POPDC1: variants seen among roughly 807,000 people sequenced by gnomAD.
POPDC1 encodes popeye domain-containing protein 1.
At chr6:105,102,248 C>T in the POPDC1 span, among the ~76,000 whole-genome samples, 3 of 152,114 alleles carry the variant, frequency 2.0e-5, no homozygotes, top group African/African-American at 2.4e-5. Context: ...ACAGCAAAAG[C>T]GAGTGGAGGA....
At chr6:105,124,385 CAAAAAAAAAAAAA>C in the POPDC1 span, among the ~76,000 whole-genome samples, 2 of 81,778 alleles carry the variant, frequency 2.4e-5, no homozygotes, top group South Asian at 4.2e-4. Flanking sequence ...CCGTCTCAAA[CAAAAAAAAAAAAA>C]AAAAAAAAAA....
the POPDC1 span, chr6:105,133,529 A>T: frequency 6.2e-7 from 1 of 1,613,762 alleles, no homozygotes; most frequent in Non-Finnish European, 8.5e-7. Flanking sequence ...TCAGGTGTAA[A>T]ACCTATGGCA....
chr6:105,106,490 C>A, the POPDC1 span, among the ~76,000 whole-genome samples: 4 of 152,226 alleles, frequency 2.6e-5, no homozygotes, highest in Non-Finnish European at 4.4e-5. Flanking sequence ...GAGTCCTGAG[C>A]GAAACAGTGG....
the POPDC1 span, among the ~76,000 whole-genome samples, chr6:105,103,800 G>T: frequency 6.6e-6 from 1 of 152,128 alleles, no homozygotes; most frequent in African/African-American, 2.4e-5. Flanking sequence ...AGCCACAATG[G>T]TATCTGACCC....
chr6:105,100,991 C>T, the POPDC1 span: 3 of 1,437,852 alleles, frequency 2.1e-6, no homozygotes, highest in Non-Finnish European at 2.8e-6. Context: ...TCTGGATGCA[C>T]TAAAGCAGAA....
the POPDC1 span, chr6:105,115,904 T>G: frequency 6.8e-7 from 1 of 1,478,684 alleles, no homozygotes; most frequent in Admixed American, 2.1e-5. Flanking sequence ...CATGTACTTT[T>G]CCTAGAAATA....
chr6:105,103,659 C>T, the POPDC1 span, among the ~76,000 whole-genome samples: 35 of 152,200 alleles, frequency 2.3e-4, no homozygotes, highest in East Asian at 1.9e-4. Context: ...TTGTGTAACA[C>T]GCTTAACAGA....
the POPDC1 span, among the ~76,000 whole-genome samples, chr6:105,122,134 C>T: frequency 1.3e-5 from 2 of 152,160 alleles, no homozygotes; most frequent in Non-Finnish European, 2.9e-5. Context: ...GATCTGCCAA[C>T]AGGAACATTT....
the POPDC1 span, among the ~76,000 whole-genome samples, chr6:105,120,024 C>A: frequency 1.6e-3 from 2 of 1,272 alleles, 1 homozygote; most frequent in Non-Finnish European, 0.015. Flanking sequence ...CTTTGGGAGG[C>A]CGAGGCGGGC....
chr6:105,117,061 G>T, the POPDC1 span, among the ~76,000 whole-genome samples: 1 of 152,304 alleles, frequency 6.6e-6, no homozygotes, highest in Admixed American at 6.5e-5. Flanking sequence ...AAAGCAATCT[G>T]CAGACTAAAT....
the POPDC1 span, among the ~76,000 whole-genome samples, chr6:105,109,731 T>C: frequency 2.7e-5 from 3 of 111,818 alleles, no homozygotes; most frequent in Non-Finnish European, 3.4e-5. Flanking sequence ...GCCACTGCAC[T>C]CTAGCCTGGA....
At chr6:105,100,946 G>A in the POPDC1 span, 1 of 943,274 alleles carries the variant, frequency 1.1e-6, no homozygotes, top group Admixed American at 3.1e-5. Flanking sequence ...TTCCATCCTT[G>A]ACCCTTCCTC....
the POPDC1 span, among the ~76,000 whole-genome samples, chr6:105,109,763 C>CAAAAAGAAAAAAAAAAAAAAA: frequency 4.4e-5 from 1 of 22,866 alleles, no homozygotes; most frequent in East Asian, 1.5e-3. Flanking sequence ...GACCCTTTCT[C>CAAAAAGAAAAAAAAAAAAAAA]AAAAAAAAAA....
chr6:105,107,676 A>G, the POPDC1 span, among the ~76,000 whole-genome samples: 1 of 152,154 alleles, frequency 6.6e-6, no homozygotes, highest in Non-Finnish European at 1.5e-5. Flanking sequence ...TTTCTTTCAA[A>G]ATGTTATTAT....
the POPDC1 span, among the ~76,000 whole-genome samples, chr6:105,131,057 G>T: frequency 1.3e-5 from 2 of 151,862 alleles, no homozygotes; most frequent in Admixed American, 6.6e-5. Flanking sequence ...AGTTTCTTTT[G>T]ATCAATTTTA....
chr6:105,125,710 C>A, the POPDC1 span: 1 of 844,870 alleles, frequency 1.2e-6, no homozygotes, highest in Non-Finnish European at 1.8e-6. Flanking sequence ...GTATTTAGGC[C>A]AATAGAATCT....
the POPDC1 span, chr6:105,097,917 A>G: frequency 4.9e-4 from 74 of 152,362 alleles, no homozygotes; most frequent in African/African-American, 1.7e-3. Context: ...GCGGATTTAT[A>G]TAGTGTCTAT....
chr6:105,124,464 G>C, the POPDC1 span: 1 of 897,240 alleles, frequency 1.1e-6, no homozygotes, highest in Non-Finnish European at 1.8e-6. Context: ...ATAATTCATA[G>C]CAGTGTTTCT....
chr6:105,136,919 C>A, the POPDC1 span: 1 of 152,320 alleles, frequency 6.6e-6, no homozygotes, highest in Non-Finnish European at 1.5e-5. Context: ...AGGCCGCACA[C>A]AACCCGGCGC....
Sources: allele counts gnomAD v4.1 joint callset (sites outside exome capture counted in the v4.1 genomes callset), GRCh38; gene constraint gnomAD v4.1.1; transcripts MANE v1.5; gene names NCBI Gene and HGNC (gene_info 2026-07-23, HGNC 2026-07-21).